The following FANCC variants were observed in gnomAD, a reference collection of about 807,000 sequenced individuals.
The protein encoded by FANCC is Fanconi anemia group C protein.
FANCC carries 55 observed loss-of-function variants against 71.3 expected under a neutral mutation model. That is an observed-to-expected ratio of 0.77 (90% CI 0.62 to 0.97). The LOEUF (loss-of-function observed/expected upper bound fraction) is 0.97. Among genes scored for constraint, FANCC ranks in the 50% least tolerant of loss-of-function variants. FANCC has a pLI of 0.00. For missense variants in FANCC, 678 were observed against 670.9 expected (o/e 1.01, Z -0.12); for synonymous variants, 275 against 244.9 (o/e 1.12, Z -1.15).
At chr9:95,151,426 A>G (rs1181759009) in intron 6 of FANCC, among the ~76,000 whole-genome samples, 1 of 152,258 alleles carries the variant, frequency 6.6e-6, no homozygotes, top group East Asian at 1.9e-4. Context: ...TTTGTGAAAC[A>G]CAAATGAAAC....
At chr9:95,238,972 C>G (rs1429461002) in intron 4 of FANCC, among the ~76,000 whole-genome samples, 1 of 152,232 alleles carries the variant, frequency 6.6e-6, no homozygotes, top group Non-Finnish European at 1.5e-5. Flanking sequence ...CATGCTTCAT[C>G]ACCAACTCCA....
At position 95,196,362 on chromosome 9, in the gene FANCC, T is replaced by C. The variant is rs138420528; in HGVS notation, c.346-24215A>G. On this transcript the variant is annotated intron_variant, in intron 4 of 14. Transcript: ENST00000289081. ...ATTTTTCCTGCATCAATTGATATAA[T>C]CACATGCTTTTTCTTCTTTAATATG... Among the ~76,000 whole-genome samples, 519 of 152,316 alleles carry C rather than the reference T, an allele frequency of 3.4e-3. 3 individuals are homozygous for C. Among genetic ancestry groups the C allele is most frequent in the Non-Finnish European group, 4.7e-3 (322 of 68,040 alleles).
intron 8 of FANCC, chr9:95,127,084 T>C (rs537964327): frequency 6.1e-6 from 1 of 162,678 alleles, no homozygotes; most frequent in South Asian, 1.7e-4. Flanking sequence ...CTAAATCACA[T>C]CACATCTTAA....
At chr9:95,151,308 C>G (rs1047175703) in intron 6 of FANCC, among the ~76,000 whole-genome samples, 1 of 152,154 alleles carries the variant, frequency 6.6e-6, no homozygotes, top group African/African-American at 2.4e-5. Flanking sequence ...ACAGCACGTG[C>G]TCAACAAATC....
chr9:95,110,913 G>A, intron 13 of FANCC: 2 of 1,308,684 alleles, frequency 1.5e-6, no homozygotes, highest in Non-Finnish European at 9.8e-7. Flanking sequence ...CTGTTATTTA[G>A]GAAATGACCA....
intron 7 of FANCC, chr9:95,145,289 T>C (rs955688362): frequency 2.0e-5 from 3 of 152,164 alleles, no homozygotes; most frequent in African/African-American, 4.8e-5. Flanking sequence ...AGTGAAAACA[T>C]TGAAAACACA....
At chr9:95,171,593 T>A (rs923517458) in intron 5 of FANCC, among the ~76,000 whole-genome samples, 1 of 152,216 alleles carries the variant, frequency 6.6e-6, no homozygotes, top group East Asian at 1.9e-4. Context: ...CATTTGGCTA[T>A]AATTTAAGCC....
chr9:95,148,672 T>C (rs893020909), intron 7 of FANCC, among the ~76,000 whole-genome samples: 1 of 152,192 alleles, frequency 6.6e-6, no homozygotes, highest in Non-Finnish European at 1.5e-5. Context: ...CATAACTCAA[T>C]GAATGAAGAT....
rs117774328 is a variant in FANCC, at chr9:95,227,072, G to A, written c.345+13577C>T. Among the ~76,000 whole-genome samples, 263 of 152,172 alleles carry A rather than the reference G, an allele frequency of 1.7e-3. 1 individual carries two copies. The highest frequency in any genetic ancestry group is 2.8e-3 in the Admixed American group (43 of 15,290). ...TACTCCATAGCTGTTCCTCCCCAAAGCACTCCCTGAACACTAATCTCCATC... is the reference window on the plus strand; with the variant it reads ...TACTCCATAGCTGTTCCTCCCCAAAACACTCCCTGAACACTAATCTCCATC... On this transcript the variant is annotated intron_variant, in intron 4 of 14. Transcript: ENST00000289081.
intron 4 of FANCC, among the ~76,000 whole-genome samples, chr9:95,195,290 T>C (rs181122702): frequency 9.2e-5 from 14 of 151,652 alleles, no homozygotes; most frequent in African/African-American, 3.1e-4. Flanking sequence ...CATTTTACAT[T>C]TAAATCCCTG....
intron 10 of FANCC, among the ~76,000 whole-genome samples, chr9:95,119,470 A>G (rs911261966): frequency 6.6e-5 from 10 of 150,528 alleles, no homozygotes; most frequent in African/African-American, 2.5e-4. Flanking sequence ...GGTTCAAGCG[A>G]TTCTCCTGCC....
Position 95,100,506 on chromosome 9 carries a change from G to A in FANCC, c.*1201C>T, listed in dbSNP as rs1472398092. 1 of 232,060 alleles carries A rather than the reference G, an allele frequency of 4.3e-6. No homozygotes were observed. Among genetic ancestry groups the A allele is most frequent in the East Asian group, 6.1e-5 (1 of 16,460 alleles). The allele number at this position is 232,060 out of a possible 1,614,324, so 14.4% of individuals were successfully genotyped here. ...CACAAATCAAAATGGACAAAAGCAA[G>A]TCTTGACTCACTTGACAAACAGAAT... is the stretch of plus-strand genomic sequence containing the variant. On this transcript the variant is annotated 3_prime_UTR_variant, in exon 15 of 15. Transcript: ENST00000289081.
intron 4 of FANCC, among the ~76,000 whole-genome samples, chr9:95,219,833 A>G (rs1342960382): frequency 6.6e-6 from 1 of 152,246 alleles, no homozygotes; most frequent in Non-Finnish European, 1.5e-5. Context: ...AAACACCAAA[A>G]GCAATGGCAA....
chr9:95,194,593 T>TG (rs954127574), intron 4 of FANCC, among the ~76,000 whole-genome samples: 1 of 151,946 alleles, frequency 6.6e-6, no homozygotes, highest in African/African-American at 2.4e-5. Flanking sequence ...ACTTCCCCAA[T>TG]GGCTAATGAT....
At chr9:95,130,322 G>A (rs938893273) in intron 8 of FANCC, among the ~76,000 whole-genome samples, 3 of 151,454 alleles carry the variant, frequency 2.0e-5, no homozygotes, top group Non-Finnish European at 1.5e-5. Flanking sequence ...GAGAGAGAGA[G>A]AATAGGGAAA....
At chr9:95,212,532 C>T (rs570541837) in intron 4 of FANCC, among the ~76,000 whole-genome samples, 1 of 151,968 alleles carries the variant, frequency 6.6e-6, no homozygotes, top group East Asian at 1.9e-4. Context: ...GAAATAAGGC[C>T]TCTTTCCGAG....
chr9:95,235,543 T>A (rs1830266206), intron 4 of FANCC, among the ~76,000 whole-genome samples: 1 of 152,120 alleles, frequency 6.6e-6, no homozygotes, highest in South Asian at 2.1e-4. Flanking sequence ...CAGAAAAATT[T>A]CTTAAATAAG....
chr9:95,202,682 G>A (rs1359592665), intron 4 of FANCC, among the ~76,000 whole-genome samples: 1 of 152,170 alleles, frequency 6.6e-6, no homozygotes, highest in East Asian at 1.9e-4. Flanking sequence ...TACAAAGCAA[G>A]ATAAACTAAA....
At chr9:95,147,908 CT>C (rs1372832637) in intron 7 of FANCC, among the ~76,000 whole-genome samples, 163 of 152,310 alleles carry the variant, frequency 1.1e-3, no homozygotes, top group East Asian at 1.2e-3. Flanking sequence ...CACAGAAGCT[CT>C]TTTATATGAA....
Sources: allele counts gnomAD v4.1 joint callset (sites outside exome capture counted in the v4.1 genomes callset), GRCh38; gene constraint gnomAD v4.1.1; transcripts MANE v1.5; gene names NCBI Gene and HGNC (gene_info 2026-07-23, HGNC 2026-07-21).